The following TOR3A variants were observed in gnomAD, a reference collection of about 807,000 sequenced individuals.
The protein encoded by TOR3A is torsin-3A.
In TOR3A, 44 loss-of-function variants were observed where a neutral mutation model predicts 42.1. That is an observed-to-expected ratio of 1.04 (90% CI 0.82 to 1.34). The LOEUF (loss-of-function observed/expected upper bound fraction) is 1.34, where lower values mean the gene tolerates loss of function less well. Ranked by LOEUF, TOR3A falls within the 40% of genes most tolerant of loss-of-function variation. TOR3A has a pLI of 0.00. For synonymous variants in TOR3A, 227 were observed against 213.2 expected (o/e 1.06, Z -0.57); for missense variants, 521 against 507.6 (o/e 1.03, Z -0.25).
chr1:179,084,352 G>A (rs1305154433), intron 2 of TOR3A, among the ~76,000 whole-genome samples: 1 of 151,970 alleles, frequency 6.6e-6, no homozygotes, highest in Non-Finnish European at 1.5e-5. Flanking sequence ...TCAGCCTCCC[G>A]AGTGGCTGGG....
intron 2 of TOR3A, among the ~76,000 whole-genome samples, chr1:179,084,369 G>A (rs1302117840): frequency 6.6e-6 from 1 of 152,114 alleles, no homozygotes; most frequent in African/African-American, 2.4e-5. Flanking sequence ...TGGGATTATA[G>A]GTGCCCACCA....
Position 179,091,510 on chromosome 1 carries a change from T to C in TOR3A, c.819-2583T>C, listed in dbSNP as rs181269084. On this transcript the variant is annotated intron_variant, in intron 4 of 5. Transcript: ENST00000367627. ...TGGCTATGGGACAAAACAGGAGAGA[T>C]TGAGAAGGGTGGAGATGGTGCAGAC... 2.2e-3 allele frequency among the ~76,000 whole-genome samples: 329 copies of C among 151,974 alleles called. 2 individuals are homozygous for C. The highest frequency in any genetic ancestry group is 3.9e-3 in the Admixed American group (60 of 15,274).
Position 179,095,161 on chromosome 1 carries a change from CTT to C in TOR3A, c.1140_1141del (p.Ser381PhefsTer12), listed in dbSNP as rs759208297. 8 of 1,614,168 alleles carry C rather than the reference CTT, an allele frequency of 5.0e-6. No individual in the cohort carries two copies. The highest frequency in any genetic ancestry group is 1.1e-5 in the South Asian group (1 of 91,078). ...MVYVPKEEQL[F>X]SSQGCKSISQ... The stretch of plus-strand genomic sequence containing the variant: ...TGTATGTCCCCAAGGAGGAACAACT[CTT>C]TTCTTCCCAGGGCTGCAAGTCTATT... On this transcript the variant is annotated frameshift_variant, in exon 6 of 6. Transcript: ENST00000367627. LOFTEE classifies it high-confidence loss of function.
chr1:179,087,485 C>A (rs993626523), intron 3 of TOR3A, among the ~76,000 whole-genome samples: 1 of 152,226 alleles, frequency 6.6e-6, no homozygotes, highest in African/African-American at 2.4e-5. Flanking sequence ...TGAGCTTAAA[C>A]AGGGAAGTTG....
chr1:179,095,159 C>T lies in TOR3A; in HGVS notation c.1135C>T (p.Leu379Phe). 1 of 1,614,136 alleles carries T rather than the reference C, an allele frequency of 6.2e-7. No homozygotes were observed. Among genetic ancestry groups the T allele is most frequent in the Non-Finnish European group, 8.5e-7 (1 of 1,180,026 alleles). The change falls in exon 6 of 6, where the codon CTC becomes TTC. Residue 379 changes from leucine (L) to phenylalanine (F), a missense_variant. By Grantham distance (22) the Leu-to-Phe change is conservative. Transcript: ENST00000367627. ...GGTGTATGTCCCCAAGGAGGAACAA[C>T]TCTTTTCTTCCCAGGGCTGCAAGTC... Reference protein sequence around the residue: ...MMVYVPKEEQLFSSQGCKSIS... With the variant: ...MMVYVPKEEQFFSSQGCKSIS...
At chr1:179,083,109 C>T in intron 2 of TOR3A, 56 bp downstream of exon 2, 1 of 1,112,728 alleles carries the variant, frequency 9.0e-7, no homozygotes, top group Non-Finnish European at 1.3e-6. Context: ...GGAGGCAGTC[C>T]AGGGGAAATG....
In TOR3A at chr1:179,085,626, A is replaced by C. The variant is rs759189365; in HGVS notation, c.374-2A>C. 1.9e-6 allele frequency: 3 copies of C among 1,613,422 alleles called. No homozygotes were observed. Among genetic ancestry groups the C allele is most frequent in the Non-Finnish European group, 2.5e-6 (3 of 1,179,548 alleles). On this transcript the variant is annotated splice_acceptor_variant, in intron 2 of 5. Coordinates refer to ENST00000367627, the MANE Select transcript of TOR3A (RefSeq NM_022371.4). LOFTEE classifies it high-confidence loss of function. Reference sequence around the variant, plus strand: ...CTGTGACTACCTCTTTCCTGTCCTTAGGCTTAGAGTGGGACCTGAATGTGC... The same window carrying C: ...CTGTGACTACCTCTTTCCTGTCCTTCGGCTTAGAGTGGGACCTGAATGTGC...
intron 4 of TOR3A, among the ~76,000 whole-genome samples, chr1:179,090,123 C>G (rs1050385937): frequency 9.8e-4 from 142 of 144,792 alleles, no homozygotes; most frequent in Non-Finnish European, 1.7e-3. Flanking sequence ...GGGGGGGGGG[C>G]CTGCGGGAAA....
In TOR3A at chr1:179,095,790, C is replaced by G. The variant is rs1480004460; in HGVS notation, c.*572C>G. On this transcript the variant is annotated 3_prime_UTR_variant, in exon 6 of 6. Transcript: ENST00000367627. ...CTTCCAGAGGAAAGCCAAGCTGCTT[C>G]TGTTGTGAGCGAATCAGCCAAGAGC... 2.0e-6 allele frequency: 2 copies of G among 988,278 alleles called. No homozygotes were observed. Among genetic ancestry groups the G allele is most frequent in the Non-Finnish European group, 2.4e-6 (2 of 831,986 alleles). 61.2% of individuals were successfully genotyped at this position (988,278 alleles called of 1,614,324 possible).
intron 4 of TOR3A, chr1:179,091,825 G>A (rs1652589679): frequency 6.6e-6 from 1 of 152,372 alleles, no homozygotes; most frequent in Admixed American, 6.5e-5. Flanking sequence ...ATGGGGCAAT[G>A]CCCTGGCAGC....
intron 3 of TOR3A, 105 bp downstream of exon 3, chr1:179,085,998 G>A (rs1652424823): frequency 7.0e-7 from 1 of 1,423,908 alleles, no homozygotes; most frequent in African/African-American, 1.4e-5. Flanking sequence ...TGGGGAGGTG[G>A]GGACAGGTGG....
rs1652690279 is a variant in TOR3A, at chr1:179,094,876, T to C, written c.944-92T>C. ...CTGGTTGACAGAGCAAGCCCCTGTT[T>C]CAAAGAAACCAACAGCAACCCCCAC... On this transcript the variant is annotated intron_variant, in intron 5 of 5. Coordinates refer to ENST00000367627, the MANE Select transcript of TOR3A (RefSeq NM_022371.4). 4.7e-6 allele frequency: 6 copies of C among 1,288,624 alleles called. No homozygotes were observed. The East Asian group carries it at 1.4e-4, about 30-fold the overall frequency. 79.8% of individuals were successfully genotyped at this position (1,288,624 alleles called of 1,614,324 possible). A position where few individuals can be genotyped will look rare whatever the true frequency, so the allele number is the denominator to read the frequency against.
At chr1:179,088,148 G>T (rs1300987054) in intron 4 of TOR3A, 59 bp downstream of exon 4, 2 of 1,480,086 alleles carry the variant, frequency 1.4e-6, no homozygotes, top group Non-Finnish European at 1.8e-6. Context: ...CTAGCTGGCA[G>T]TGGAGGCTTC....
Position 179,085,972 on chromosome 1 carries a change from G to A in TOR3A, c.639+79G>A, listed in dbSNP as rs1473823688. The stretch of plus-strand genomic sequence containing the variant: ...TGCCAGCCCTTCCTTGCAAGGAAAT[G>A]GGCTCTGGAGAAGCCTGGGGAGGTG... On this transcript the variant is annotated intron_variant, in intron 3 of 5. Transcript: ENST00000367627. The A allele has an allele frequency of 7.1e-6, 11 of 1,542,356 alleles. No individual in the cohort carries two copies. In the South Asian group the frequency reaches 1.1e-4, roughly 15 times the overall value.
At chr1:179,086,665 CAA>C (rs149541470) in intron 3 of TOR3A, among the ~76,000 whole-genome samples, 71,755 of 123,470 alleles carry the variant, frequency 0.58, 19,929 homozygotes, top group African/African-American at 0.74. Flanking sequence ...GACTCCATCT[CAA>C]AAAAAAAAAA....
chr1:179,095,645 G>GTGTT lies in TOR3A; in HGVS notation c.*428_*431dup, dbSNP rs560317264. The GTGTT allele has an allele frequency of 1.2e-3, 1,186 of 1,025,208 alleles. 9 individuals are homozygous for GTGTT. The African/African-American group carries it at 0.017, about 15-fold the overall frequency. 63.5% of individuals were successfully genotyped at this position (1,025,208 alleles called of 1,614,324 possible). ...AGCTCTTCTGCAAGGAAGAGCTTGG[G>GTGTT]TGTTAGGCCTCAGAGGCTGTAGGGT... On this transcript the variant is annotated 3_prime_UTR_variant, in exon 6 of 6. Coordinates refer to ENST00000367627, the MANE Select transcript of TOR3A (RefSeq NM_022371.4).
chr1:179,083,984 C>T (rs1652368126), intron 2 of TOR3A, among the ~76,000 whole-genome samples: 1 of 152,108 alleles, frequency 6.6e-6, no homozygotes, highest in Admixed American at 6.6e-5. Flanking sequence ...CAGTCTGGCT[C>T]AGGACAGAAG....
At chr1:179,087,869 A>G in intron 3 of TOR3A, 42 bp from the exon 4 acceptor site, 3 of 1,502,696 alleles carry the variant, frequency 2.0e-6, no homozygotes, top group Non-Finnish European at 2.7e-6. Flanking sequence ...CGGAGGTGGA[A>G]GGAGTCACCA....
At chr1:179,085,435 A>AAAAG in intron 2 of TOR3A, 193 bp from the exon 3 acceptor site, 1 of 694,336 alleles carries the variant, frequency 1.4e-6, no homozygotes, top group Non-Finnish European at 2.5e-6. Context: ...AAAAAAAAAA[A>AAAAG]AAAAGAAAGT....
Sources: gnomAD v4.1 joint callset for allele counts (sites outside exome capture counted in the v4.1 genomes callset) on GRCh38, gnomAD v4.1.1 for gene constraint, MANE v1.5 for transcripts, NCBI Gene and HGNC (gene_info 2026-07-23, HGNC 2026-07-21) for gene names.